Variants in LIN7A observed in about 807,000 individuals in gnomAD.
LIN7A encodes the protein protein lin-7 homolog A.
A neutral mutation model predicts 29.8 loss-of-function variants in LIN7A; 25 were observed. The observed-to-expected ratio is 0.84, with a 90% CI of 0.61 to 1.17. The LOEUF (loss-of-function observed/expected upper bound fraction) is 1.17. Ranked by LOEUF, LIN7A falls within the 50% of genes most tolerant of loss-of-function variation. The pLI is 0.00. For missense variants in LIN7A, 239 were observed against 287.0 expected, an observed-to-expected ratio of 0.83 and a Z score of 1.21; for synonymous variants, 118 against 107.5, an observed-to-expected ratio of 1.10 and a Z score of -0.60.
intron 1 of LIN7A, among the ~76,000 whole-genome samples, chr12:80,908,029 A>C (rs1354710945): frequency 6.6e-6 from 1 of 152,106 alleles, no homozygotes; most frequent in African/African-American, 2.4e-5. Flanking sequence ...ATTGCCTATG[A>C]CCTAAAAGTT....
At chr12:80,934,776 A>G (rs995330746) in intron 1 of LIN7A, among the ~76,000 whole-genome samples, 1 of 152,222 alleles carries the variant, frequency 6.6e-6, no homozygotes, top group Non-Finnish European at 1.5e-5. Flanking sequence ...TGAAGATACC[A>G]AAAAAGAACT....
intron 1 of LIN7A, among the ~76,000 whole-genome samples, chr12:80,918,188 C>G (rs1877118744): frequency 6.6e-6 from 1 of 152,068 alleles, no homozygotes; most frequent in Non-Finnish European, 1.5e-5. Context: ...GCTGGGACTA[C>G]AGGCATGCAC....
At chr12:80,847,705 T>C (rs571845410) in intron 3 of LIN7A, among the ~76,000 whole-genome samples, 1 of 152,234 alleles carries the variant, frequency 6.6e-6, no homozygotes, top group South Asian at 2.1e-4. Flanking sequence ...GTCTCTACAG[T>C]CTCTGGATTT....
At chr12:80,874,949 C>G (rs952346055) in intron 2 of LIN7A, among the ~76,000 whole-genome samples, 7 of 152,162 alleles carry the variant, frequency 4.6e-5, no homozygotes, top group Non-Finnish European at 1.0e-4. Context: ...TGCAGTGAGC[C>G]GAGATGGCGC....
chr12:80,852,170 C>A (rs1177582191), intron 2 of LIN7A, among the ~76,000 whole-genome samples: 1 of 151,880 alleles, frequency 6.6e-6, no homozygotes, highest in Admixed American at 6.6e-5. Context: ...TTTTATTTTT[C>A]TTTATATTTA....
chr12:80,819,365 G>A (rs1158123450), intron 4 of LIN7A, among the ~76,000 whole-genome samples: 1 of 152,108 alleles, frequency 6.6e-6, no homozygotes, highest in Non-Finnish European at 1.5e-5. Context: ...TGTATTAAAA[G>A]TATCACATTT....
intron 4 of LIN7A, among the ~76,000 whole-genome samples, chr12:80,833,391 T>C (rs1027985699): frequency 6.6e-6 from 1 of 152,178 alleles, no homozygotes; most frequent in African/African-American, 2.4e-5. Context: ...TTTCAAATCT[T>C]TTCCTTTCTC....
At chr12:80,902,718 T>C (rs534570277) in intron 1 of LIN7A, among the ~76,000 whole-genome samples, 1 of 152,254 alleles carries the variant, frequency 6.6e-6, no homozygotes, top group Non-Finnish European at 1.5e-5. Context: ...CTTTGTATCC[T>C]GAAACTTTAC....
chr12:80,895,383 G>A (rs763283118), intron 1 of LIN7A, among the ~76,000 whole-genome samples: 6 of 152,160 alleles, frequency 3.9e-5, no homozygotes, highest in Non-Finnish European at 8.8e-5. Flanking sequence ...CTAATGATGA[G>A]TTTTCATGAA....
At chr12:80,902,167 G>C (rs1314169325) in intron 1 of LIN7A, among the ~76,000 whole-genome samples, 1 of 150,964 alleles carries the variant, frequency 6.6e-6, no homozygotes, top group African/African-American at 2.4e-5. Context: ...GACGATTGTA[G>C]GTGTGTGGCT....
intron 2 of LIN7A, among the ~76,000 whole-genome samples, chr12:80,869,321 A>C (rs1874307868): frequency 6.6e-6 from 1 of 152,036 alleles, no homozygotes; most frequent in Non-Finnish European, 1.5e-5. Context: ...AACATATAGC[A>C]TTTCTATCTG....
At chr12:80,827,377 ACT>A (rs1285060777) in intron 4 of LIN7A, among the ~76,000 whole-genome samples, 7 of 142,888 alleles carry the variant, frequency 4.9e-5, no homozygotes, top group Non-Finnish European at 1.1e-4. Context: ...ACAGAGTGAG[ACT>A]CTGTCACAAA....
chr12:80,819,024 C>T (rs1243304694), intron 4 of LIN7A, among the ~76,000 whole-genome samples: 1 of 152,158 alleles, frequency 6.6e-6, no homozygotes, highest in Non-Finnish European at 1.5e-5. Flanking sequence ...ATAATGCCTC[C>T]TTATGCACAG....
intron 4 of LIN7A, among the ~76,000 whole-genome samples, chr12:80,827,384 CACAA>C (rs3072346): frequency 1.9e-4 from 29 of 150,534 alleles, no homozygotes; most frequent in East Asian, 1.2e-3. Flanking sequence ...GAGACTCTGT[CACAA>C]ACAAACAAAC....
intron 2 of LIN7A, among the ~76,000 whole-genome samples, chr12:80,858,343 G>T (rs1348293664): frequency 1.3e-5 from 2 of 151,834 alleles, no homozygotes; most frequent in Non-Finnish European, 2.9e-5. Flanking sequence ...TTTATAATTG[G>T]TTTATATTTC....
chr12:80,851,185 A>G (rs1873313825), intron 2 of LIN7A, among the ~76,000 whole-genome samples: 1 of 152,194 alleles, frequency 6.6e-6, no homozygotes, highest in Admixed American at 6.6e-5. Context: ...GAATAAAGGA[A>G]TCTAGGTTTT....
At chr12:80,813,873 GA>G (rs1019906449) in intron 4 of LIN7A, among the ~76,000 whole-genome samples, 1 of 151,774 alleles carries the variant, frequency 6.6e-6, no homozygotes, top group East Asian at 1.9e-4. Context: ...AAAGTACAGA[GA>G]AAAAAAATCA....
intron 1 of LIN7A, among the ~76,000 whole-genome samples, chr12:80,901,413 G>A (rs1490263479): frequency 6.6e-6 from 1 of 151,976 alleles, no homozygotes; most frequent in African/African-American, 2.4e-5. Context: ...AATAATTATT[G>A]CTGGCATGTT....
intron 1 of LIN7A, among the ~76,000 whole-genome samples, chr12:80,907,875 C>T (rs748384570): frequency 6.6e-6 from 1 of 152,130 alleles, no homozygotes; most frequent in Non-Finnish European, 1.5e-5. Context: ...TCTAGACATA[C>T]AGCCAAATTT....
Sources: allele counts gnomAD v4.1 joint callset (sites outside exome capture counted in the v4.1 genomes callset), GRCh38; gene constraint gnomAD v4.1.1; transcripts MANE v1.5; gene names NCBI Gene and HGNC (gene_info 2026-07-23, HGNC 2026-07-21).